MEGF11: variants seen among roughly 807,000 people sequenced by gnomAD.
MEGF11 encodes the protein multiple epidermal growth factor-like domains protein 11.
MEGF11 carries 126 observed loss-of-function variants against 146.6 expected under a neutral mutation model. That is an observed-to-expected ratio of 0.86 (90% CI 0.74 to 1.00). MEGF11 has a LOEUF of 1.00. Ranked by LOEUF, MEGF11 falls within the 50% of genes least tolerant of loss-of-function variation. The pLI is 0.00. For missense variants in MEGF11, 1,509 were observed against 1,521.2 expected (o/e 0.99, Z 0.13); for synonymous variants, 532 against 583.4 (o/e 0.91, Z 1.27).
intron 5 of MEGF11, among the ~76,000 whole-genome samples, chr15:66,061,641 C>CTT (rs68146356): frequency 0.03 from 4,354 of 143,074 alleles, 104 homozygotes; most frequent in African/African-American, 0.043. Context: ...TTTTTTGAGC[C>CTT]TTTTTTTTTT....
chr15:66,003,699 C>T (rs1475202406), intron 5 of MEGF11, among the ~76,000 whole-genome samples: 1 of 152,180 alleles, frequency 6.6e-6, no homozygotes, highest in African/African-American at 2.4e-5. Flanking sequence ...AGAGCCTCTC[C>T]ATGGCTTCTT....
intron 1 of MEGF11, among the ~76,000 whole-genome samples, chr15:66,176,146 A>T (rs1278784268): frequency 6.6e-6 from 1 of 152,242 alleles, no homozygotes; most frequent in Non-Finnish European, 1.5e-5. Flanking sequence ...AATGGTTATT[A>T]TAAAAAAATA....
Position 65,916,571 on chromosome 15 carries a change from G to A in MEGF11, c.2215+257C>T, listed in dbSNP as rs192364035. 96 of 704,320 alleles carry A rather than the reference G, an allele frequency of 1.4e-4. No homozygotes were observed. In the African/African-American group the frequency reaches 1.4e-3, roughly 10 times the overall value. 43.6% of individuals were successfully genotyped at this position (704,320 alleles called of 1,614,324 possible). On this transcript the variant is annotated intron_variant, in intron 17 of 25. Coordinates refer to ENST00000395614, the MANE Select transcript of MEGF11 (RefSeq NM_001385028.1). Reference sequence around the variant, plus strand: ...CTCTGGGCCCCACTGTCCAAGGAAGGTCTGGTCTTGGTGATTGCTGGAGTA... The same window carrying A: ...CTCTGGGCCCCACTGTCCAAGGAAGATCTGGTCTTGGTGATTGCTGGAGTA...
chr15:66,235,220 T>C (rs1306455381), intron 1 of MEGF11, among the ~76,000 whole-genome samples: 3 of 152,154 alleles, frequency 2.0e-5, no homozygotes, highest in African/African-American at 7.2e-5. Flanking sequence ...GGTCAAAATA[T>C]AGCAGGGCAA....
chr15:66,111,846 T>C (rs1311391818), intron 4 of MEGF11, among the ~76,000 whole-genome samples: 4 of 152,118 alleles, frequency 2.6e-5, no homozygotes, highest in African/African-American at 9.7e-5. Flanking sequence ...TGCCACTGAA[T>C]TGCACACTTT....
At chr15:66,009,040 G>A (rs2082616540) in intron 5 of MEGF11, among the ~76,000 whole-genome samples, 1 of 150,004 alleles carries the variant, frequency 6.7e-6, no homozygotes, top group South Asian at 2.1e-4. Flanking sequence ...CTTCATAAAG[G>A]CTTTTCACTC....
At position 66,014,944 on chromosome 15, in the gene MEGF11, C is replaced by T. The variant is rs545572961; in HGVS notation, c.395-32456G>A. On this transcript the variant is annotated intron_variant, in intron 5 of 25. Transcript: ENST00000395614. ...ACCTAGTCAGGGATGTGCTTGTACG[C>T]GCTCAACAACCAGCTCTAGAGGAAA... is the stretch of plus-strand genomic sequence containing the variant. Among the ~76,000 whole-genome samples, 20 of 144,306 alleles carry T rather than the reference C, an allele frequency of 1.4e-4. No individual in the cohort carries two copies. In the South Asian group the frequency reaches 1.4e-3, roughly 10 times the overall value. 94.7% of individuals were successfully genotyped at this position (144,306 alleles called of 152,430 possible). A position where few individuals can be genotyped will look rare whatever the true frequency, so the allele number is the denominator to read the frequency against.
intron 1 of MEGF11, among the ~76,000 whole-genome samples, chr15:66,237,117 C>T (rs1314484895): frequency 6.6e-6 from 1 of 152,164 alleles, no homozygotes; most frequent in African/African-American, 2.4e-5. Context: ...CCATTTCCAC[C>T]AGACACAGTG....
chr15:66,114,781 G>A lies in MEGF11; in HGVS notation c.301+4305C>T, dbSNP rs1014700532. ...AGCGGAAAGAGGTATGAGTTGGGCA[G>A]GGGTGGGTGGGAACCTCTGGTACGG... On this transcript the variant is annotated intron_variant, in intron 4 of 25. Coordinates refer to ENST00000395614, the MANE Select transcript of MEGF11 (RefSeq NM_001385028.1). Among the ~76,000 whole-genome samples the A allele has an allele frequency of 2.6e-5, 4 of 152,310 alleles. No individual in the cohort carries two copies. The East Asian group carries it at 5.8e-4, about 22-fold the overall frequency.
chr15:66,007,459 G>T (rs1441217950), intron 5 of MEGF11, among the ~76,000 whole-genome samples: 1 of 152,134 alleles, frequency 6.6e-6, no homozygotes, highest in Non-Finnish European at 1.5e-5. Context: ...CAAAAGAAAT[G>T]ATGGCCCAGG....
chr15:65,907,914 C>T (rs370303825), intron 23 of MEGF11, among the ~76,000 whole-genome samples: 23 of 152,348 alleles, frequency 1.5e-4, no homozygotes, highest in East Asian at 1.3e-3. Context: ...CAGCGCATGG[C>T]GCTCTGGCTA....
intron 21 of MEGF11, among the ~76,000 whole-genome samples, chr15:65,911,480 C>T (rs1009248931): frequency 3.3e-5 from 5 of 152,168 alleles, no homozygotes; most frequent in Non-Finnish European, 5.9e-5. Context: ...GGCGTGATCT[C>T]AGCTCACGGC....
At position 66,185,979 on chromosome 15, in the gene MEGF11, C is replaced by T. The variant is rs558737973; in HGVS notation, c.-8-57568G>A. On this transcript the variant is annotated intron_variant, in intron 1 of 25. Coordinates refer to ENST00000395614, the MANE Select transcript of MEGF11 (RefSeq NM_001385028.1). ...ATAGCATTTGCTCATCATTTCCCTGCCTGAATCCTACTGAGGCATCGGGAC... is the reference window on the plus strand; with the variant it reads ...ATAGCATTTGCTCATCATTTCCCTGTCTGAATCCTACTGAGGCATCGGGAC... Among the ~76,000 whole-genome samples, 31 of 152,320 alleles carry T rather than the reference C, an allele frequency of 2.0e-4. No individual in the cohort carries two copies. In the South Asian group the frequency reaches 5.8e-3, roughly 28 times the overall value.
chr15:66,025,130 G>A (rs1329924477), intron 5 of MEGF11, among the ~76,000 whole-genome samples: 1 of 152,262 alleles, frequency 6.6e-6, no homozygotes, highest in Non-Finnish European at 1.5e-5. Flanking sequence ...TGACAGTACA[G>A]TGACTGTGGA....
intron 1 of MEGF11, among the ~76,000 whole-genome samples, chr15:66,191,166 C>G (rs1211019553): frequency 2.0e-5 from 3 of 152,124 alleles, no homozygotes; most frequent in East Asian, 3.9e-4. Flanking sequence ...TCCCTCCCCC[C>G]GCCAAAAGAA....
At chr15:66,093,102 A>C (rs1438345657) in intron 5 of MEGF11, among the ~76,000 whole-genome samples, 1 of 152,206 alleles carries the variant, frequency 6.6e-6, no homozygotes, top group Non-Finnish European at 1.5e-5. Context: ...GCAGTAGGAC[A>C]AGTGGAAGGA....
chr15:65,965,555 G>C (rs1206303594), intron 8 of MEGF11, among the ~76,000 whole-genome samples: 1 of 139,338 alleles, frequency 7.2e-6, no homozygotes, highest in Admixed American at 7.1e-5. Flanking sequence ...AGGGGCTGGA[G>C]GGAGCCAGTG....
intron 1 of MEGF11, among the ~76,000 whole-genome samples, chr15:66,222,875 C>T (rs1176020039): frequency 6.6e-6 from 1 of 152,212 alleles, no homozygotes; most frequent in Non-Finnish European, 1.5e-5. Context: ...TGAAAACCCT[C>T]ATACACTGCT....
Position 66,076,466 on chromosome 15 carries a change from A to G in MEGF11, c.394+17936T>C, listed in dbSNP as rs146802384. ...ATAACTTTATTAATTATTCAATTTG[A>G]GGCCATTTACCCAGCCTGCCAGAAT... On this transcript the variant is annotated intron_variant, in intron 5 of 25. Coordinates refer to ENST00000395614, the MANE Select transcript of MEGF11 (RefSeq NM_001385028.1). Among the ~76,000 whole-genome samples, 29 of 152,254 alleles carry G rather than the reference A, an allele frequency of 1.9e-4. No homozygotes were observed. The East Asian group carries it at 5.0e-3, about 26-fold the overall frequency.
Sources: allele counts gnomAD v4.1 joint callset (sites outside exome capture counted in the v4.1 genomes callset), GRCh38; gene constraint gnomAD v4.1.1; transcripts MANE v1.5; gene names NCBI Gene and HGNC (gene_info 2026-07-23, HGNC 2026-07-21).